Variants in ZDHHC11B observed in about 807,000 individuals in gnomAD.
The protein encoded by ZDHHC11B is zDHHC palmitoyltransferase 11B (putative), also known as probable palmitoyltransferase ZDHHC11B.
In ZDHHC11B, 17 loss-of-function variants were observed where a neutral mutation model predicts 42.3. That is an observed-to-expected ratio of 0.40 (90% CI 0.27 to 0.60). The LOEUF (loss-of-function observed/expected upper bound fraction) is 0.60, where lower values mean the gene tolerates loss of function less well. Ranked by LOEUF, ZDHHC11B falls within the 20% of genes least tolerant of loss-of-function variation. The pLI, the probability that ZDHHC11B is intolerant of heterozygous loss-of-function variation, is 0.41. For synonymous variants in ZDHHC11B, 123 were observed against 193.5 expected (o/e 0.64, Z 3.02); for missense variants, 262 against 463.2 (o/e 0.57, Z 3.99).
In ZDHHC11B at chr5:732,538, G is replaced by A. The variant is rs983301022; in HGVS notation, c.1023+1214C>T. On this transcript the variant is annotated intron_variant, in intron 11 of 13. Coordinates refer to ENST00000508859, the MANE Select transcript of ZDHHC11B (RefSeq NM_001351303.2). ...ACTGAGTGTCTCCAAATCTTTGCTG[G>A]AAGTGCAGGCAAGGGGCAAGTCTTG... 1.8e-5 allele frequency: 7 copies of A among 388,498 alleles called. 1 individual carries two copies. The highest frequency in any genetic ancestry group is 6.2e-5 in the African/African-American group (3 of 48,074). 24.1% of individuals were successfully genotyped at this position (388,498 alleles called of 1,614,324 possible).
intron 1 of ZDHHC11B, among the ~76,000 whole-genome samples, chr5:771,608 T>G: frequency 6.6e-6 from 1 of 151,840 alleles, no homozygotes; most frequent in Non-Finnish European, 1.5e-5. Context: ...GCTGACAACA[T>G]TTCTTTGAAA....
At chr5:724,426 A>T (rs1217425086) in intron 12 of ZDHHC11B, among the ~76,000 whole-genome samples, 13 of 117,084 alleles carry the variant, frequency 1.1e-4, no homozygotes, top group Non-Finnish European at 1.6e-5. Flanking sequence ...CCCAGGCTGG[A>T]GTGCAGTGGC....
rs1579446764 is a variant in ZDHHC11B at position 771,132 on chromosome 5, C to T, written c.-229-2202G>A. On this transcript the variant is annotated intron_variant, in intron 1 of 13. Transcript: ENST00000508859. The stretch of plus-strand genomic sequence containing the variant: ...CAGACACAAGAGCCGGTGGGAGGGT[C>T]CGTGCCGAGGACACATGTGCGTGTC... Among the ~76,000 whole-genome samples, 4 of 151,960 alleles carry T rather than the reference C, an allele frequency of 2.6e-5. No homozygotes were observed. In the South Asian group the frequency reaches 8.3e-4, roughly 32 times the overall value.
intron 4 of ZDHHC11B, 54 bp downstream of exon 4, chr5:766,644 C>T: frequency 6.5e-7 from 1 of 1,527,712 alleles, no homozygotes. Flanking sequence ...AGGTCCATCG[C>T]AGGGTCCTCC....
At chr5:751,453 G>A (rs1184785980) in intron 6 of ZDHHC11B, among the ~76,000 whole-genome samples, 196 bp from the exon 7 acceptor site, 4 of 28,610 alleles carry the variant, frequency 1.4e-4, no homozygotes, top group Admixed American at 9.1e-4. Flanking sequence ...GCAGGGACAC[G>A]CAGGGCATCT....
At chr5:720,094 A>G (rs1391105566) in intron 12 of ZDHHC11B, among the ~76,000 whole-genome samples, 1 of 151,802 alleles carries the variant, frequency 6.6e-6, no homozygotes, top group Admixed American at 6.6e-5. Flanking sequence ...GGAGCAGGAG[A>G]CTACTCTATT....
intron 12 of ZDHHC11B, among the ~76,000 whole-genome samples, chr5:728,017 A>C (rs547464099): frequency 1.5e-3 from 222 of 150,360 alleles, no homozygotes; most frequent in African/African-American, 5.2e-3. Flanking sequence ...CGTTGGAAAC[A>C]CACAGATCAG....
chr5:714,525 G>A (rs982402576), intron 13 of ZDHHC11B, among the ~76,000 whole-genome samples: 2 of 122,646 alleles, frequency 1.6e-5, no homozygotes, highest in Non-Finnish European at 3.5e-5. Context: ...AATTCATTTC[G>A]AAAGCACCCT....
intron 4 of ZDHHC11B, among the ~76,000 whole-genome samples, chr5:757,946 G>C (rs1431316611): frequency 1.3e-5 from 2 of 151,812 alleles, no homozygotes; most frequent in Admixed American, 6.6e-5. Flanking sequence ...GTAGAGGAGA[G>C]GTCTGCAGGG....
At chr5:780,796 T>C (rs1736903499) in intron 1 of ZDHHC11B, among the ~76,000 whole-genome samples, 1 of 151,950 alleles carries the variant, frequency 6.6e-6, no homozygotes, top group Admixed American at 6.6e-5. Flanking sequence ...TGGCCCAGGC[T>C]CCTCAGGCAC....
chr5:725,110 C>T (rs894225540), intron 12 of ZDHHC11B, among the ~76,000 whole-genome samples: 2 of 151,380 alleles, frequency 1.3e-5, no homozygotes, highest in Admixed American at 6.6e-5. Flanking sequence ...AATGTGGGAC[C>T]CGGATGACAG....
At chr5:730,142 A>G (rs957328946) in intron 12 of ZDHHC11B, among the ~76,000 whole-genome samples, 3 of 151,784 alleles carry the variant, frequency 2.0e-5, no homozygotes, top group Admixed American at 1.3e-4. Context: ...ACATTAAAAA[A>G]CATTCAGGCT....
rs1006659106 is a variant in ZDHHC11B at position 750,689 on chromosome 5, G to C, written c.628+444C>G. Among the ~76,000 whole-genome samples, 3 of 124,564 alleles carry C rather than the reference G, an allele frequency of 2.4e-5. 1 individual carries two copies. Among genetic ancestry groups the C allele is most frequent in the Non-Finnish European group, 5.3e-5 (3 of 56,850 alleles). 81.7% of individuals were successfully genotyped at this position (124,564 alleles called of 152,430 possible). A position where few individuals can be genotyped will look rare whatever the true frequency, so the allele number is the denominator to read the frequency against. ...CCAGGCTCCGGGCCCACTTGGCCAA[G>C]GGCCTCAGCACACCGCAGCCTACAG... is the stretch of plus-strand genomic sequence containing the variant. On this transcript the variant is annotated intron_variant, in intron 7 of 13. Transcript: ENST00000508859.
intron 1 of ZDHHC11B, among the ~76,000 whole-genome samples, chr5:772,656 C>T (rs1219269723): frequency 1.2e-4 from 18 of 151,846 alleles, no homozygotes; most frequent in Middle Eastern, 3.4e-3. Flanking sequence ...AGTCCACGGG[C>T]GCTTGGGAGG....
chr5:761,300 C>T (rs1372739384), intron 4 of ZDHHC11B, among the ~76,000 whole-genome samples: 1 of 151,854 alleles, frequency 6.6e-6, no homozygotes, highest in Non-Finnish European at 1.5e-5. Context: ...TTAGTGACAT[C>T]CTCATCCCTC....
intron 4 of ZDHHC11B, among the ~76,000 whole-genome samples, chr5:765,423 AC>A (rs1561185640): frequency 6.6e-6 from 1 of 151,956 alleles, no homozygotes; most frequent in Admixed American, 6.6e-5. Context: ...GACTTGGAGA[AC>A]TTTTGTGTCT....
rs546716570 is a variant in ZDHHC11B, at chr5:753,829, G to C, written c.503+1169C>G. ...AGGCAGGGCAGGGACCCCCCGGTGCGTCCTGTGACACCAGGCAACGTTGGT... is the reference window on the plus strand; with the variant it reads ...AGGCAGGGCAGGGACCCCCCGGTGCCTCCTGTGACACCAGGCAACGTTGGT... On this transcript the variant is annotated intron_variant, in intron 6 of 13. Coordinates refer to ENST00000508859, the MANE Select transcript of ZDHHC11B (RefSeq NM_001351303.2). 2.8e-4 allele frequency among the ~76,000 whole-genome samples: 42 copies of C among 147,612 alleles called. 5 individuals are homozygous for C. In the East Asian group the frequency reaches 9.0e-3, roughly 32 times the overall value.
intron 4 of ZDHHC11B, among the ~76,000 whole-genome samples, chr5:765,740 C>G (rs1254281007): frequency 1.3e-5 from 2 of 152,006 alleles, no homozygotes; most frequent in South Asian, 2.1e-4. Flanking sequence ...CATTCCTGAA[C>G]CAGGGATACC....
intron 1 of ZDHHC11B, among the ~76,000 whole-genome samples, chr5:771,499 G>C (rs1049186628): frequency 6.6e-6 from 1 of 150,886 alleles, no homozygotes; most frequent in African/African-American, 2.4e-5. Flanking sequence ...ATCCTGGTGG[G>C]GGCAGGATCC....
Sources: allele counts gnomAD v4.1 joint callset (sites outside exome capture counted in the v4.1 genomes callset), GRCh38; gene constraint gnomAD v4.1.1; transcripts MANE v1.5; gene names NCBI Gene and HGNC (gene_info 2026-07-23, HGNC 2026-07-21).